Variants in RASA1 observed in about 807,000 individuals in gnomAD.
The protein encoded by RASA1 is RAS p21 protein activator 1.
A neutral mutation model predicts 132.2 loss-of-function variants in RASA1; 25 were observed. The ratio of observed to expected loss-of-function variants is 0.19; its 90% CI spans 0.14 to 0.26. The LOEUF (loss-of-function observed/expected upper bound fraction) is 0.26, where lower values mean the gene tolerates loss of function less well. Ranked by LOEUF, RASA1 falls within the 10% of genes least tolerant of loss-of-function variation. The pLI is 1.00. For missense variants in RASA1, 964 were observed against 1,299.2 expected (o/e 0.74, Z 3.97); for synonymous variants, 477 against 449.9 (o/e 1.06, Z -0.76).
intron 1 of RASA1, among the ~76,000 whole-genome samples, chr5:87,315,620 C>T (rs1407955793): frequency 6.6e-6 from 1 of 152,078 alleles, no homozygotes; most frequent in Admixed American, 6.5e-5. Flanking sequence ...CCCTCTCAAC[C>T]TAGAGTAAAT....
At chr5:87,332,666 T>A (rs747222131) in intron 3 of RASA1, 24 bp downstream of exon 3, 6 of 1,589,836 alleles carry the variant, frequency 3.8e-6, no homozygotes, top group Non-Finnish European at 5.2e-6. Flanking sequence ...ATAAAATATC[T>A]TTCAAAACTT....
At chr5:87,353,829 G>A (rs1204946671) in intron 9 of RASA1, among the ~76,000 whole-genome samples, 2 of 152,110 alleles carry the variant, frequency 1.3e-5, no homozygotes, top group East Asian at 3.9e-4. Flanking sequence ...AAGAGAGCCT[G>A]TTAAATGTTA....
At chr5:87,288,252 G>A (rs1186574965) in intron 1 of RASA1, among the ~76,000 whole-genome samples, 2 of 150,626 alleles carry the variant, frequency 1.3e-5, no homozygotes, top group African/African-American at 2.4e-5. Context: ...GTTGGGACAC[G>A]TTTCTCCCTA....
intron 1 of RASA1, among the ~76,000 whole-genome samples, chr5:87,323,452 T>C (rs764134501): frequency 1.3e-5 from 2 of 152,136 alleles, no homozygotes; most frequent in African/African-American, 4.8e-5. Flanking sequence ...CCTGTGCTCA[T>C]AGGGTTATTG....
At chr5:87,356,300 A>G (rs765630768) in intron 9 of RASA1, among the ~76,000 whole-genome samples, 41 of 152,134 alleles carry the variant, frequency 2.7e-4, no homozygotes, top group Non-Finnish European at 5.9e-5. Flanking sequence ...CCACTGCCCT[A>G]ATCACTTAGC....
intron 1 of RASA1, among the ~76,000 whole-genome samples, chr5:87,289,079 CCTT>C (rs1274854420): frequency 7.3e-5 from 11 of 151,096 alleles, no homozygotes; most frequent in African/African-American, 2.7e-4. Context: ...TTTTTTGTCT[CCTT>C]TAATCTAGAA....
intron 20 of RASA1, among the ~76,000 whole-genome samples, chr5:87,381,400 T>C (rs1228452658): frequency 2.0e-5 from 3 of 152,212 alleles, no homozygotes; most frequent in Non-Finnish European, 4.4e-5. Flanking sequence ...GGAAGTTTAA[T>C]GCGAAAGCGT....
chr5:87,338,536 A>ATATTTTTTTTTTT lies in RASA1; in HGVS notation c.1017+446_1017+447insATTTTTTTTTTTT. On this transcript the variant is annotated intron_variant, in intron 5 of 24. Transcript: ENST00000274376. ...ATATATATATATATATATATATAAA[A>ATATTTTTTTTTTT]TTTTTTTTTTTTTTAAGTAGAAATG... Among the ~76,000 whole-genome samples the ATATTTTTTTTTTT allele has an allele frequency of 1.2e-3, 99 of 85,192 alleles. 2 individuals carry two copies. Among genetic ancestry groups the ATATTTTTTTTTTT allele is most frequent in the African/African-American group, 4.1e-3 (92 of 22,600 alleles). The allele number at this position is 85,192 out of a possible 152,430, so 55.9% of individuals were successfully genotyped here.
chr5:87,289,122 A>G (rs896082513), intron 1 of RASA1, among the ~76,000 whole-genome samples: 1 of 150,874 alleles, frequency 6.6e-6, no homozygotes, highest in Non-Finnish European at 1.5e-5. Flanking sequence ...TTTCTTTTGT[A>G]ACATTAACAT....
chr5:87,374,827 C>T lies in RASA1; in HGVS notation c.1935-13C>T. 6.2e-7 allele frequency: 1 copy of T among 1,607,728 alleles called. No homozygotes were observed. On this transcript the variant is annotated splice_polypyrimidine_tract_variant and intron_variant, in intron 14 of 24. Transcript: ENST00000274376. Reference sequence around the variant, plus strand: ...AAACATTTTGTTAATTCTTTTTCTCCTTGCTCCTTTAGTGATCTTCCTCCT... The same window carrying T: ...AAACATTTTGTTAATTCTTTTTCTCTTTGCTCCTTTAGTGATCTTCCTCCT...
intron 6 of RASA1, among the ~76,000 whole-genome samples, chr5:87,342,965 T>C (rs1043067275): frequency 6.6e-6 from 1 of 152,214 alleles, no homozygotes; most frequent in Non-Finnish European, 1.5e-5. Flanking sequence ...GGAAGTCTTT[T>C]TATCTGATAG....
In RASA1 at chr5:87,363,490, T is replaced by C; in HGVS notation, c.1596T>C (p.Asp532=). 6.2e-7 allele frequency: 1 copy of C among 1,612,080 alleles called. No individual in the cohort carries two copies. The highest frequency in any genetic ancestry group is 8.5e-7 in the Non-Finnish European group (1 of 1,178,464). ...LSVCSVYVVH[D]SLFGRPNCFQ... is the part of the protein sequence containing the mutation. ...TATGTTCTGTCTATGTCGTTCATGA[T>C]AGTCTCTTTGGCAGGTAAGAGACTG... Residue 532 remains aspartate (D), a synonymous_variant, in exon 11 of 25, where the codon GAT becomes GAC. Coordinates refer to ENST00000274376, the MANE Select transcript of RASA1 (RefSeq NM_002890.3).
At chr5:87,388,520 G>C (rs1580415271) in intron 23 of RASA1, among the ~76,000 whole-genome samples, 1 of 152,148 alleles carries the variant, frequency 6.6e-6, no homozygotes, top group Admixed American at 6.5e-5. Context: ...TGCTCAACTG[G>C]CAAGTATACT....
chr5:87,297,995 C>T (rs1023384805), intron 1 of RASA1, among the ~76,000 whole-genome samples: 3 of 152,034 alleles, frequency 2.0e-5, no homozygotes, highest in Non-Finnish European at 4.4e-5. Context: ...TTTGGGGAAC[C>T]GTGGTTTGCC....
chr5:87,345,747 C>T (rs982695285), intron 6 of RASA1, among the ~76,000 whole-genome samples: 1 of 152,094 alleles, frequency 6.6e-6, no homozygotes, highest in Admixed American at 6.6e-5. Context: ...TCACACTGGA[C>T]TTTTGAGCAC....
chr5:87,322,102 A>G (rs1362189628), intron 1 of RASA1, among the ~76,000 whole-genome samples: 1 of 152,116 alleles, frequency 6.6e-6, no homozygotes, highest in Non-Finnish European at 1.5e-5. Flanking sequence ...TGGATCCCTC[A>G]TGAATGGTTT....
Position 87,376,411 on chromosome 5 carries a change from T to G in RASA1, c.2030T>G (p.Leu677Trp), listed in dbSNP as rs764434977. The change falls in exon 16 of 25, where the codon TTG becomes TGG. Residue 677 changes from leucine to tryptophan, a missense_variant. This residue lies in a region of RASA1 where 346 missense variants were observed against 520.1 expected (regional missense o/e 0.67). Coordinates refer to ENST00000274376, the MANE Select transcript of RASA1 (RefSeq NM_002890.3). The stretch of plus-strand genomic sequence containing the variant: ...TCCCAAGTATTTATGCGCTGCCAGT[T>G]GAGCCGATTACAGAAAGGGCATGCC... ...DPDILFMRCQ[L>W]SRLQKGHATD... 3.1e-6 allele frequency: 5 copies of G among 1,613,904 alleles called. No individual in the cohort carries two copies. In the Admixed American group the frequency reaches 5.0e-5, roughly 16 times the overall value.
In RASA1 at chr5:87,267,901, G is replaced by A; in HGVS notation, c.-551G>A. The A allele has an allele frequency of 2.5e-6, 1 of 394,758 alleles. No individual in the cohort carries two copies. The highest frequency in any genetic ancestry group is 4.5e-6 in the Non-Finnish European group (1 of 224,566). 24.5% of individuals were successfully genotyped at this position (394,758 alleles called of 1,614,324 possible). A position where few individuals can be genotyped will look rare whatever the true frequency, so the allele number is the denominator to read the frequency against. ...CCGTTTCACTCACTGAGAGCTCCAG[G>A]TAGTGAGCAGTTCAGTCGATTTCCT... On this transcript the variant is annotated 5_prime_UTR_variant, in exon 1 of 25. Transcript: ENST00000274376.
chr5:87,268,326 T>G lies in RASA1; in HGVS notation c.-126T>G. On this transcript the variant is annotated 5_prime_UTR_variant, in exon 1 of 25. Coordinates refer to ENST00000274376, the MANE Select transcript of RASA1 (RefSeq NM_002890.3). ...GCGGCGGCGGGCTCTCTCCTTTTGTTGTTGTTTCCTCAGCCTGGGGAGCTG... is the reference window on the plus strand; with the variant it reads ...GCGGCGGCGGGCTCTCTCCTTTTGTGGTTGTTTCCTCAGCCTGGGGAGCTG... The G allele has an allele frequency of 8.5e-5, 91 of 1,068,076 alleles. No individual in the cohort carries two copies. The highest frequency in any genetic ancestry group is 1.1e-4 in the Non-Finnish European group (85 of 775,432). 66.2% of individuals were successfully genotyped at this position (1,068,076 alleles called of 1,614,324 possible). A position where few individuals can be genotyped will look rare whatever the true frequency, so the allele number is the denominator to read the frequency against.
Sources: gnomAD v4.1 joint callset for allele counts (sites outside exome capture counted in the v4.1 genomes callset) on GRCh38, gnomAD v4.1.1 for gene constraint, gnomAD v4.1.1 regional missense constraint, MANE v1.5 for transcripts, NCBI Gene and HGNC (gene_info 2026-07-23, HGNC 2026-07-21) for gene names.